Variants in NFIB observed in about 807,000 individuals in gnomAD.
NFIB encodes nuclear factor 1 B-type.
A neutral mutation model predicts 61.5 loss-of-function variants in NFIB; 11 were observed. The ratio of observed to expected loss-of-function variants is 0.18; its 90% CI spans 0.11 to 0.30. The LOEUF (loss-of-function observed/expected upper bound fraction) is 0.30. Ranked by LOEUF, NFIB falls within the 10% of genes least tolerant of loss-of-function variation. The pLI, the probability that NFIB is intolerant of heterozygous loss-of-function variation, is 1.00. For synonymous variants in NFIB, 260 were observed against 216.5 expected, an observed-to-expected ratio of 1.20 and a Z score of -1.76; for missense variants, 471 against 608.9, an observed-to-expected ratio of 0.77 and a Z score of 2.38.
intron 2 of NFIB, among the ~76,000 whole-genome samples, chr9:14,278,001 T>C (rs575038487): frequency 1.3e-5 from 2 of 152,266 alleles, no homozygotes; most frequent in South Asian, 4.2e-4. Flanking sequence ...GGAAGCTATG[T>C]CCCTGCCACC....
the NFIB span, among the ~76,000 whole-genome samples, chr9:14,504,701 A>C: frequency 6.6e-6 from 1 of 152,200 alleles, no homozygotes; most frequent in African/African-American, 2.4e-5. Context: ...AGCTTTGCTG[A>C]ATTCATTTAC....
intron 1 of NFIB, among the ~76,000 whole-genome samples, chr9:14,367,236 T>A (rs1381771050): frequency 6.6e-6 from 1 of 152,118 alleles, no homozygotes; most frequent in Non-Finnish European, 1.5e-5. Context: ...ACAAACATGT[T>A]AACAAGGAAA....
chr9:14,119,306 T>G (rs1270661788), intron 8 of NFIB, among the ~76,000 whole-genome samples: 2 of 152,172 alleles, frequency 1.3e-5, no homozygotes, highest in Non-Finnish European at 2.9e-5. Context: ...TAACATTTTC[T>G]TCTAAAATAC....
intron 3 of NFIB, among the ~76,000 whole-genome samples, chr9:14,158,853 A>C (rs2043794404): frequency 6.6e-6 from 1 of 152,382 alleles, no homozygotes; most frequent in South Asian, 2.1e-4. Context: ...AATACAAAGT[A>C]ACAACCAAAG....
the NFIB span, among the ~76,000 whole-genome samples, chr9:14,468,727 T>C: frequency 6.6e-6 from 1 of 152,360 alleles, no homozygotes; most frequent in East Asian, 1.9e-4. Context: ...CTGTCACTTG[T>C]GAGGCATTTT....
At chr9:14,355,550 T>C (rs1021142447) in intron 1 of NFIB, among the ~76,000 whole-genome samples, 56 of 152,200 alleles carry the variant, frequency 3.7e-4, no homozygotes, top group African/African-American at 1.3e-3. Context: ...GATTCTCTAT[T>C]TGAAGAATCT....
In NFIB at chr9:14,396,301, G is replaced by A. The variant is rs138322678; in HGVS notation, c.108+2223C>T. ...TACACTTCCATATAGTTGAAAAGAG[G>A]CTTAATGTTAAATTATGAGATCCCA... On this transcript the variant is annotated intron_variant, in intron 1 of 8. Coordinates refer to the NFIB transcript ENST00000380934. Among the ~76,000 whole-genome samples the A allele has an allele frequency of 3.3e-5, 5 of 151,932 alleles. No individual in the cohort carries two copies. In the East Asian group the frequency reaches 9.7e-4, roughly 29 times the overall value.
At chr9:14,202,664 G>A (rs1360184093) in intron 2 of NFIB, among the ~76,000 whole-genome samples, 2 of 152,048 alleles carry the variant, frequency 1.3e-5, no homozygotes, top group African/African-American at 2.4e-5. Flanking sequence ...TACGTTTCTT[G>A]TCTTTTAGAA....
At chr9:14,334,974 A>C (rs147679301) in intron 1 of NFIB, among the ~76,000 whole-genome samples, 136 of 152,332 alleles carry the variant, frequency 8.9e-4, no homozygotes, top group African/African-American at 3.2e-3. Context: ...TTCTTTCAGC[A>C]TAATTATTTT....
At chr9:14,326,971 G>A (rs1036758989) in intron 1 of NFIB, among the ~76,000 whole-genome samples, 59 of 151,990 alleles carry the variant, frequency 3.9e-4, no homozygotes, top group Admixed American at 3.1e-3. Context: ...CCCTTAAAAA[G>A]AAAACAATAA....
intron 2 of NFIB, among the ~76,000 whole-genome samples, chr9:14,259,028 G>A (rs2056492676): frequency 6.6e-6 from 1 of 152,038 alleles, no homozygotes; most frequent in Admixed American, 6.6e-5. Flanking sequence ...GTGGGGGAGT[G>A]GTATAATCAA....
At chr9:14,241,726 A>T (rs1349161705) in intron 2 of NFIB, among the ~76,000 whole-genome samples, 1 of 152,334 alleles carries the variant, frequency 6.6e-6, no homozygotes, top group East Asian at 1.9e-4. Flanking sequence ...TCTGGTGTGT[A>T]CCAGATGTTA....
At chr9:14,494,727 T>A in the NFIB span, among the ~76,000 whole-genome samples, 5 of 152,200 alleles carry the variant, frequency 3.3e-5, no homozygotes. Context: ...GGGCTCTTTC[T>A]TCTAGGCATA....
chr9:14,181,365 G>A (rs2046754103), intron 2 of NFIB, among the ~76,000 whole-genome samples: 1 of 152,140 alleles, frequency 6.6e-6, no homozygotes, highest in South Asian at 2.1e-4. Context: ...AACTAGAAAT[G>A]ACCATTCTTC....
At chr9:14,335,377 G>A (rs890358870) in intron 1 of NFIB, among the ~76,000 whole-genome samples, 1 of 152,080 alleles carries the variant, frequency 6.6e-6, no homozygotes, top group Admixed American at 6.6e-5. Context: ...TTTATTTTTA[G>A]CCATTCTAGT....
At chr9:14,348,671 G>T (rs973925437) in intron 1 of NFIB, among the ~76,000 whole-genome samples, 4 of 152,232 alleles carry the variant, frequency 2.6e-5, no homozygotes, top group African/African-American at 7.2e-5. Flanking sequence ...CAGTGGGATG[G>T]CTCTGGGGGT....
chr9:14,273,463 C>T (rs901478342), intron 2 of NFIB, among the ~76,000 whole-genome samples: 1 of 152,080 alleles, frequency 6.6e-6, no homozygotes, highest in African/African-American at 2.4e-5. Context: ...GTTATACATC[C>T]CAAATAAATC....
At chr9:14,443,243 T>C in the NFIB span, among the ~76,000 whole-genome samples, 1 of 152,042 alleles carries the variant, frequency 6.6e-6, no homozygotes, top group African/African-American at 2.4e-5. Context: ...TTCTCCTTCT[T>C]GGCAGTCTCC....
chr9:14,154,038 A>G (rs901181205), intron 4 of NFIB, among the ~76,000 whole-genome samples: 5 of 152,288 alleles, frequency 3.3e-5, no homozygotes, highest in South Asian at 2.1e-4. Flanking sequence ...ATATGACATT[A>G]TAAGTTAAGA....
Sources: allele counts gnomAD v4.1 joint callset (sites outside exome capture counted in the v4.1 genomes callset), GRCh38; gene constraint gnomAD v4.1.1; transcripts MANE v1.5; gene names NCBI Gene and HGNC (gene_info 2026-07-23, HGNC 2026-07-21).